The following ADGRL2 variants were observed in gnomAD, a reference collection of about 807,000 sequenced individuals.
The protein encoded by ADGRL2 is calcium-independent alpha-latrotoxin receptor 2.
In ADGRL2, 44 loss-of-function variants were observed where a neutral mutation model predicts 157.4. The ratio of observed to expected loss-of-function variants is 0.28; its 90% CI spans 0.22 to 0.36. ADGRL2 has a LOEUF of 0.36. ADGRL2 is among the 10% of genes least tolerant of loss of function. ADGRL2 has a pLI of 1.00. For synonymous variants in ADGRL2, 585 were observed against 624.7 expected (o/e 0.94, Z 0.95); for missense variants, 1,510 against 1,768.9 (o/e 0.85, Z 2.63).
chr1:81,943,735 T>C lies in ADGRL2; in HGVS notation c.1176T>C (p.Tyr392=). The C allele has an allele frequency of 3.1e-6, 5 of 1,613,376 alleles. No individual in the cohort carries two copies. The highest frequency in any genetic ancestry group is 3.3e-4 in the Middle Eastern group (2 of 6,056). The change falls in exon 6 of 24, where the codon TAT becomes TAC. Residue 392 remains tyrosine (Y), a synonymous_variant. Transcript: ENST00000686636. This position sits in a 1 kb window ranked among gnomAD's most constrained non-coding sequence, Gnocchi z 5.6. ...GGAACAATAACTTCATTTTACGATATTCTCTGGAGTTTGGTCCACCTGATC... is the reference window on the plus strand; with the variant it reads ...GGAACAATAACTTCATTTTACGATACTCTCTGGAGTTTGGTCCACCTGATC... The part of the protein sequence containing the change: ...YVWNNNFILR[Y]SLEFGPPDPA...
chr1:81,813,584 T>C (rs2090091534), intron 1 of ADGRL2, among the ~76,000 whole-genome samples: 1 of 151,778 alleles, frequency 6.6e-6, no homozygotes, highest in Non-Finnish European at 1.5e-5. Context: ...TATAATGGGG[T>C]AAGAATATTA....
At chr1:81,868,437 G>A (rs531369661) in intron 2 of ADGRL2, among the ~76,000 whole-genome samples, 1 of 152,086 alleles carries the variant, frequency 6.6e-6, no homozygotes, top group Admixed American at 6.6e-5. Flanking sequence ...GCCTCAGTAG[G>A]CACACAACTC....
At position 81,575,312 on chromosome 1, in the gene ADGRL2, G is replaced by A. The variant is rs545581933; in HGVS notation, c.-247-5564G>A. 3.9e-5 allele frequency among the ~76,000 whole-genome samples: 6 copies of A among 152,270 alleles called. No individual in the cohort carries two copies. In the South Asian group the frequency reaches 8.3e-4, roughly 21 times the overall value. The stretch of plus-strand genomic sequence containing the variant: ...TCTAAGCTTAATAGGTCTTATTAAT[G>A]TGTAGTTCCAGTACACATTTTTTAA... On this transcript the variant is annotated intron_variant, in intron 2 of 24. Transcript: ENST00000370721.
chr1:81,482,606 C>T (rs2078413600), intron 2 of ADGRL2, among the ~76,000 whole-genome samples: 1 of 152,066 alleles, frequency 6.6e-6, no homozygotes, highest in African/African-American at 2.4e-5. Flanking sequence ...ACCTGCGTTT[C>T]CATCGCTATC....
chr1:81,860,590 C>G (rs997309134), intron 2 of ADGRL2, among the ~76,000 whole-genome samples: 2 of 152,218 alleles, frequency 1.3e-5, no homozygotes, highest in Admixed American at 1.3e-4. Context: ...TGGAAAAATA[C>G]CCCATGGTAA....
intron 2 of ADGRL2, among the ~76,000 whole-genome samples, chr1:81,852,930 C>A (rs1464343436): frequency 6.6e-6 from 1 of 152,000 alleles, no homozygotes; most frequent in Non-Finnish European, 1.5e-5. Flanking sequence ...AGATCTGATA[C>A]TTTAAATTTA....
At chr1:81,591,461 T>C (rs1180992516) in intron 3 of ADGRL2, among the ~76,000 whole-genome samples, 3 of 152,204 alleles carry the variant, frequency 2.0e-5, no homozygotes, top group African/African-American at 7.2e-5. Context: ...AATGTCTCTT[T>C]AAATGATGCT....
chr1:81,385,652 T>C (rs1248522913), intron 1 of ADGRL2, among the ~76,000 whole-genome samples: 7 of 151,324 alleles, frequency 4.6e-5, no homozygotes, highest in Admixed American at 4.6e-4. Flanking sequence ...TGCCCTGGAA[T>C]AAAAGAAAGC....
chr1:81,610,280 C>A (rs867776455), intron 3 of ADGRL2, among the ~76,000 whole-genome samples: 3 of 138,224 alleles, frequency 2.2e-5, no homozygotes, highest in East Asian at 4.2e-4. Flanking sequence ...AGTGGGACAG[C>A]GATACCTAAA....
At chr1:81,650,740 A>C (rs2148838255) in intron 3 of ADGRL2, among the ~76,000 whole-genome samples, 1 of 152,040 alleles carries the variant, frequency 6.6e-6, no homozygotes, top group Non-Finnish European at 1.5e-5. Context: ...GGTCAACAAA[A>C]TTTTTAAGAT....
intron 2 of ADGRL2, among the ~76,000 whole-genome samples, chr1:81,905,638 C>G (rs1197561591): frequency 6.6e-6 from 1 of 152,300 alleles, no homozygotes; most frequent in African/African-American, 2.4e-5. Context: ...GTAAGAATTG[C>G]GAGTGTGGCT....
Position 81,975,362 on chromosome 1 carries a change from A to G in ADGRL2, c.3021+3444A>G, listed in dbSNP as rs149204612. On this transcript the variant is annotated intron_variant, in intron 17 of 23. Coordinates refer to ENST00000686636, the MANE Select transcript of ADGRL2 (RefSeq NM_001366006.2). ...TGCATGCAGCCTTTCAACCTATGCC[A>G]AAATATTATGTTTAAACTTCGTAGT... Among the ~76,000 whole-genome samples the G allele has an allele frequency of 1.5e-3, 235 of 152,214 alleles. 1 individual carries two copies. The highest frequency in any genetic ancestry group is 5.4e-3 in the African/African-American group (223 of 41,548).
At chr1:81,391,030 A>G (rs1273473027) in intron 1 of ADGRL2, among the ~76,000 whole-genome samples, 1 of 152,308 alleles carries the variant, frequency 6.6e-6, no homozygotes, top group Admixed American at 6.5e-5. Context: ...AGATCCTCAC[A>G]CTAAAACCGT....
intron 2 of ADGRL2, among the ~76,000 whole-genome samples, chr1:81,892,411 A>G (rs2094290413): frequency 6.6e-6 from 1 of 152,136 alleles, no homozygotes; most frequent in South Asian, 2.1e-4. Flanking sequence ...TTATTTCCCC[A>G]CCCACCACAC....
intron 3 of ADGRL2, among the ~76,000 whole-genome samples, chr1:81,606,224 C>T (rs1175733332): frequency 6.6e-6 from 1 of 152,148 alleles, no homozygotes; most frequent in Non-Finnish European, 1.5e-5. Context: ...TTTCAAAAAT[C>T]TGTATTCTTC....
chr1:81,989,651 T>C (rs1302779658), intron 23 of ADGRL2: 1 of 1,608,988 alleles, frequency 6.2e-7, no homozygotes, highest in Admixed American at 1.7e-5. Context: ...TTCTTTTATA[T>C]ATCAGCTACT....
At chr1:81,823,845 A>G (rs995087231) in intron 1 of ADGRL2, among the ~76,000 whole-genome samples, 2 of 152,216 alleles carry the variant, frequency 1.3e-5, no homozygotes, top group Admixed American at 1.3e-4. Flanking sequence ...ACCCAAGAAC[A>G]TAAGAGCAAA....
intron 1 of ADGRL2, among the ~76,000 whole-genome samples, chr1:81,400,431 T>C (rs988178317): frequency 5.3e-5 from 8 of 152,110 alleles, no homozygotes; most frequent in African/African-American, 1.9e-4. Flanking sequence ...GCTCAGTCCC[T>C]GGAAGCTGGA....
intron 3 of ADGRL2, among the ~76,000 whole-genome samples, chr1:81,606,778 A>ACG (rs1313021608): frequency 0.038 from 5,374 of 141,888 alleles, 144 homozygotes; most frequent in Admixed American, 0.082. Flanking sequence ...GTGTGTGCGC[A>ACG]CGCGTGTGTG....
Sources: allele counts gnomAD v4.1 joint callset (sites outside exome capture counted in the v4.1 genomes callset), GRCh38; gene constraint gnomAD v4.1.1; non-coding constraint Gnocchi (gnomAD v3.1); transcripts MANE v1.5; gene names NCBI Gene and HGNC (gene_info 2026-07-23, HGNC 2026-07-21).